DEPDC1B: variants seen among roughly 807,000 people sequenced by gnomAD.
The protein encoded by DEPDC1B is DEP domain-containing protein 1B.
Under a neutral mutation model 66.5 loss-of-function variants are expected in DEPDC1B, and 51 were observed. The observed-to-expected ratio is 0.77, with a 90% confidence interval of 0.61 to 0.97. DEPDC1B has a LOEUF of 0.97. Ranked by LOEUF, DEPDC1B falls within the 50% of genes least tolerant of loss-of-function variation. The probability of loss-of-function intolerance (pLI) is 0.00; values close to 1 mark genes in which losing one functional copy is unlikely to be tolerated. For synonymous variants in DEPDC1B, 226 were observed against 223.6 expected (o/e 1.01, Z -0.10); for missense variants, 552 against 637.1 (o/e 0.87, Z 1.44).
In DEPDC1B at chr5:60,658,978, C is replaced by T. The variant is rs999198835; in HGVS notation, c.315-11445G>A. Among the ~76,000 whole-genome samples the T allele has an allele frequency of 3.9e-5, 6 of 152,198 alleles. No individual in the cohort carries two copies. In the East Asian group the frequency reaches 5.8e-4, roughly 15 times the overall value. On this transcript the variant is annotated intron_variant, in intron 2 of 10. Coordinates refer to ENST00000265036, the MANE Select transcript of DEPDC1B (RefSeq NM_018369.3). ...TCTGATCCAGCGAGACACCCATTGC[C>T]GCTCCCAATCGGGCTAGAGGCTCAC...
chr5:60,688,119 G>T (rs1424373394), intron 1 of DEPDC1B, among the ~76,000 whole-genome samples: 1 of 152,136 alleles, frequency 6.6e-6, no homozygotes, highest in East Asian at 1.9e-4. Flanking sequence ...AGGAGGAAAA[G>T]AGATGAAAAA....
chr5:60,625,595 T>A (rs950975712), intron 7 of DEPDC1B, among the ~76,000 whole-genome samples: 1 of 152,194 alleles, frequency 6.6e-6, no homozygotes, highest in African/African-American at 2.4e-5. Flanking sequence ...TGATAAGCTA[T>A]ACCTCTGTTT....
intron 6 of DEPDC1B, among the ~76,000 whole-genome samples, chr5:60,640,776 C>G (rs1753171426): frequency 6.6e-6 from 1 of 152,158 alleles, no homozygotes; most frequent in Admixed American, 6.5e-5. Context: ...ACCATACAAT[C>G]AGCCTATCCT....
At chr5:60,625,457 T>G (rs1192997253) in intron 7 of DEPDC1B, among the ~76,000 whole-genome samples, 1 of 152,090 alleles carries the variant, frequency 6.6e-6, no homozygotes, top group Non-Finnish European at 1.5e-5. Context: ...GAGATTTTAT[T>G]GGTTAGAAGC....
chr5:60,622,147 G>A (rs1007115464), intron 7 of DEPDC1B, among the ~76,000 whole-genome samples: 1 of 151,934 alleles, frequency 6.6e-6, no homozygotes, highest in South Asian at 2.1e-4. Context: ...TTTGACAAAT[G>A]CATATCCCCA....
intron 1 of DEPDC1B, among the ~76,000 whole-genome samples, chr5:60,691,254 A>G (rs1250056700): frequency 6.6e-6 from 1 of 151,942 alleles, no homozygotes; most frequent in Non-Finnish European, 1.5e-5. Flanking sequence ...AGGTTTCACC[A>G]TGTTAGTCAG....
intron 2 of DEPDC1B, among the ~76,000 whole-genome samples, chr5:60,663,125 A>G (rs184372330): frequency 2.2e-4 from 33 of 152,322 alleles, no homozygotes; most frequent in Admixed American, 1.1e-3. Context: ...AGGAAAAGAA[A>G]CACGTTTTTT....
intron 7 of DEPDC1B, among the ~76,000 whole-genome samples, chr5:60,611,084 C>T (rs758274216): frequency 3.0e-4 from 46 of 152,192 alleles, no homozygotes; most frequent in Non-Finnish European, 5.1e-4. Context: ...GCTATCACCA[C>T]CATTTTTCCA....
chr5:60,651,330 C>T (rs1027809103), intron 2 of DEPDC1B, among the ~76,000 whole-genome samples: 1 of 152,054 alleles, frequency 6.6e-6, no homozygotes, highest in African/African-American at 2.4e-5. Flanking sequence ...GAATTCGAGA[C>T]CAGCCTGGCC....
intron 2 of DEPDC1B, among the ~76,000 whole-genome samples, chr5:60,661,409 C>A (rs551469887): frequency 6.6e-6 from 1 of 152,134 alleles, no homozygotes; most frequent in Non-Finnish European, 1.5e-5. Context: ...GGACTATGCT[C>A]GTCGGAAAAA....
rs72755162 is a variant in DEPDC1B at position 60,675,530 on chromosome 5, C to A, written c.314+11432G>T. ...AAAACAGTTACAGTTACATTCCAAG[C>A]CTCTGTAAGCAGATGCTAAACATTA... On this transcript the variant is annotated intron_variant, in intron 2 of 10. Coordinates refer to ENST00000265036, the MANE Select transcript of DEPDC1B (RefSeq NM_018369.3). 3.4e-3 allele frequency among the ~76,000 whole-genome samples: 517 copies of A among 152,332 alleles called. 1 individual carries two copies. The highest frequency in any genetic ancestry group is 5.7e-3 in the Admixed American group (87 of 15,306).
At chr5:60,689,810 G>C (rs2112039849) in intron 1 of DEPDC1B, among the ~76,000 whole-genome samples, 1 of 152,286 alleles carries the variant, frequency 6.6e-6, no homozygotes, top group Non-Finnish European at 1.5e-5. Flanking sequence ...GAGAGGATGA[G>C]GTGGGCAGGT....
At chr5:60,614,556 C>CT (rs893031286) in intron 7 of DEPDC1B, among the ~76,000 whole-genome samples, 3 of 151,826 alleles carry the variant, frequency 2.0e-5, no homozygotes, top group Non-Finnish European at 4.4e-5. Context: ...AATCTCTTCT[C>CT]TTTTTTTTAA....
intron 2 of DEPDC1B, among the ~76,000 whole-genome samples, chr5:60,655,917 C>T (rs929876662): frequency 6.7e-6 from 1 of 148,954 alleles, no homozygotes; most frequent in African/African-American, 2.5e-5. Context: ...CATGTCTTTG[C>T]ATGGCTTTGA....
In DEPDC1B at chr5:60,597,136, T is replaced by C. The variant is rs960518138; in HGVS notation, c.*617A>G. ...GATGAAAATCTACTCCACTTATAGG[T>C]AAACATCAACTAATATATATGTTAT... On this transcript the variant is annotated 3_prime_UTR_variant, in exon 11 of 11. Transcript: ENST00000265036. 3 of 152,594 alleles carry C rather than the reference T, an allele frequency of 2.0e-5. No homozygotes were observed. Among genetic ancestry groups the C allele is most frequent in the Admixed American group, 2.0e-4 (3 of 15,270 alleles). 9.5% of individuals were successfully genotyped at this position (152,594 alleles called of 1,614,324 possible). A position where few individuals can be genotyped will look rare whatever the true frequency, so the allele number is the denominator to read the frequency against.
intron 2 of DEPDC1B, among the ~76,000 whole-genome samples, chr5:60,677,345 C>CTCTT (rs1554055595): frequency 6.6e-6 from 1 of 150,974 alleles, no homozygotes; most frequent in Non-Finnish European, 1.5e-5. Context: ...CTCTCTCTCT[C>CTCTT]TCTCTCTCTC....
intron 2 of DEPDC1B, among the ~76,000 whole-genome samples, chr5:60,665,271 G>C (rs953747999): frequency 1.3e-5 from 2 of 152,046 alleles, no homozygotes; most frequent in African/African-American, 2.4e-5. Flanking sequence ...TTTCACTTAG[G>C]CATTAATAGC....
intron 2 of DEPDC1B, among the ~76,000 whole-genome samples, chr5:60,685,293 A>C (rs1754388204): frequency 6.6e-6 from 1 of 152,154 alleles, no homozygotes; most frequent in Admixed American, 6.5e-5. Flanking sequence ...AACGGATTTC[A>C]TCCCAGCTTA....
intron 9 of DEPDC1B, among the ~76,000 whole-genome samples, chr5:60,601,324 C>T (rs915167635): frequency 6.6e-6 from 1 of 152,148 alleles, no homozygotes; most frequent in Admixed American, 6.5e-5. Context: ...ACTAAAACAG[C>T]AGTTAAAATT....
Sources: allele counts gnomAD v4.1 joint callset (sites outside exome capture counted in the v4.1 genomes callset), GRCh38; gene constraint gnomAD v4.1.1; transcripts MANE v1.5; gene names NCBI Gene and HGNC (gene_info 2026-07-23, HGNC 2026-07-21).